Variants in RBM23 observed in about 807,000 individuals in gnomAD.
RBM23 encodes RNA binding motif protein 23.
RBM23 carries 53 observed loss-of-function variants against 56.2 expected under a neutral mutation model. That is an observed-to-expected ratio of 0.94 (90% confidence interval 0.76 to 1.19). The LOEUF (loss-of-function observed/expected upper bound fraction) is 1.19, where lower values mean the gene tolerates loss of function less well. RBM23 is among the 50% of genes most tolerant of loss of function. The pLI is 0.00. For missense variants in RBM23, 642 were observed against 590.3 expected (o/e 1.09, Z -0.91); for synonymous variants, 197 against 198.5 (o/e 0.99, Z 0.06).
At chr14:22,907,628 G>A (rs552469234) in intron 4 of RBM23, among the ~76,000 whole-genome samples, 37 of 152,210 alleles carry the variant, frequency 2.4e-4, no homozygotes, top group African/African-American at 6.5e-4. Flanking sequence ...TATACTTCAC[G>A]ATAAAAAGTA....
At chr14:22,914,339 A>AC (rs2043125476) in intron 1 of RBM23, among the ~76,000 whole-genome samples, 1 of 150,726 alleles carries the variant, frequency 6.6e-6, no homozygotes, top group African/African-American at 2.5e-5. Flanking sequence ...AAAAAAAAAA[A>AC]AAAATAGCCG....
Position 22,902,097 on chromosome 14 carries a change from C to A in RBM23, c.1129G>T (p.Ala377Ser). 7 of 1,607,682 alleles carry A rather than the reference C, an allele frequency of 4.4e-6. No individual in the cohort carries two copies. The highest frequency in any genetic ancestry group is 1.1e-5 in the South Asian group (1 of 90,416). ...GCAGTGCTTGGCAGTTGGATTCCAG[C>A]GCCTAAAAGGAAAAGAAAAGGTGGG... ...FQLMAKLAEG[A>S]GIQLPSTAAA... The change falls in exon 12 of 14, where the codon GCT (alanine) becomes TCT (serine). Residue 377 changes from alanine (A) to serine (S), a missense_variant and splice_region_variant. By Grantham distance (99) the Ala-to-Ser change is moderately conservative (BLOSUM62 1). Coordinates refer to ENST00000359890, the MANE Select transcript of RBM23 (RefSeq NM_001077351.2).
intron 10 of RBM23, chr14:22,903,544 A>G (rs1306504971): frequency 1.2e-5 from 12 of 986,396 alleles, no homozygotes; most frequent in African/African-American, 8.7e-5. Context: ...CCTTTACTGG[A>G]TATTTTTGAG....
intron 2 of RBM23, 74 bp downstream of exon 2, chr14:22,911,254 G>C (rs114890713): frequency 8.4e-7 from 1 of 1,190,754 alleles, no homozygotes; most frequent in African/African-American, 1.5e-5. Flanking sequence ...ATAAAATGTT[G>C]AAAGTTGAAA....
At position 22,905,370 on chromosome 14, in the gene RBM23, C is replaced by T. The variant is rs368778639; in HGVS notation, c.539G>A (p.Arg180Gln). 4.0e-5 allele frequency: 64 copies of T among 1,613,932 alleles called. No individual in the cohort carries two copies. The highest frequency in any genetic ancestry group is 3.0e-4 in the South Asian group (27 of 91,076). ...AGCAGAGAAAAAGTCCTCCAGATCT[C>T]GAGGCCGAATTCGGGCAGCTAACTG... ...CMQLAARIRP[R>Q]DLEDFFSAVG... Residue 180 changes from arginine (R) to glutamine (Q), a missense_variant, in exon 7 of 14, where the codon CGA becomes CAA. Transcript: ENST00000359890.
intron 1 of RBM23, among the ~76,000 whole-genome samples, chr14:22,913,386 C>T (rs1215993295): frequency 1.4e-5 from 2 of 147,486 alleles, no homozygotes; most frequent in Non-Finnish European, 1.5e-5. Context: ...TGCACTCCAA[C>T]CTGGGCGACA....
At chr14:22,902,130 C>T in intron 11 of RBM23, 31 bp from the exon 12 acceptor site, 2 of 1,605,082 alleles carry the variant, frequency 1.2e-6, no homozygotes, top group Non-Finnish European at 1.7e-6. Context: ...GGGATTAAGC[C>T]CCAACCCTTC....
At chr14:22,910,627 C>CT in intron 2 of RBM23, among the ~76,000 whole-genome samples, 1 of 152,154 alleles carries the variant, frequency 6.6e-6, no homozygotes, top group East Asian at 1.9e-4. Flanking sequence ...AATCCCAGCA[C>CT]TTTGGGAGGC....
At chr14:22,911,135 T>C (rs1483063936) in intron 2 of RBM23, among the ~76,000 whole-genome samples, 193 bp downstream of exon 2, 2 of 152,186 alleles carry the variant, frequency 1.3e-5, no homozygotes, top group Admixed American at 6.5e-5. Context: ...GTTTCTGAGG[T>C]TGTCTCTAAA....
At position 22,908,330 on chromosome 14, in the gene RBM23, G is replaced by A. The variant is rs2041910426; in HGVS notation, c.227+3C>T. 2 of 1,549,734 alleles carry A rather than the reference G, an allele frequency of 1.3e-6. No individual in the cohort carries two copies. The highest frequency in any genetic ancestry group is 1.7e-6 in the Non-Finnish European group (2 of 1,146,858). On this transcript the variant is annotated splice_donor_region_variant and intron_variant, in intron 4 of 13. Transcript: ENST00000359890. ...CCACTGTGCCTGGCCCAGAATTACT[G>A]ACCTGCGCTTTCTATCCCTGCTTTT...
At chr14:22,913,132 A>C (rs930807856) in intron 1 of RBM23, among the ~76,000 whole-genome samples, 5 of 151,366 alleles carry the variant, frequency 3.3e-5, no homozygotes, top group East Asian at 1.9e-4. Context: ...GGGCACAAGA[A>C]GGCCGGGCGC....
intron 1 of RBM23, chr14:22,917,612 G>C (rs1016384722): frequency 1.3e-5 from 2 of 150,610 alleles, no homozygotes; most frequent in African/African-American, 2.4e-5. Flanking sequence ...GGGTTTCGCC[G>C]TGTTAGCCAG....
At chr14:22,918,578 G>A (rs567405817) in intron 1 of RBM23, among the ~76,000 whole-genome samples, 30 of 152,236 alleles carry the variant, frequency 2.0e-4, no homozygotes, top group Non-Finnish European at 3.4e-4. Context: ...CGACAGACTA[G>A]AGATTGAGGA....
At chr14:22,916,536 A>G (rs2043537067) in intron 1 of RBM23, among the ~76,000 whole-genome samples, 1 of 151,236 alleles carries the variant, frequency 6.6e-6, no homozygotes, top group African/African-American at 2.4e-5. Context: ...TTAGCCTCCC[A>G]AAGTACTAGG....
At position 22,901,362 on chromosome 14, in the gene RBM23, G is replaced by A. The variant is rs2040464861; in HGVS notation, c.*368C>T. The A allele has an allele frequency of 1.1e-5, 3 of 265,866 alleles. No individual in the cohort carries two copies. The highest frequency in any genetic ancestry group is 2.0e-5 in the Non-Finnish European group (3 of 153,712). The allele number at this position is 265,866 out of a possible 1,614,324, so 16.5% of individuals were successfully genotyped here. A position where few individuals can be genotyped will look rare whatever the true frequency, so the allele number is the denominator to read the frequency against. On this transcript the variant is annotated 3_prime_UTR_variant, in exon 14 of 14. Transcript: ENST00000359890. ...CTAAAGGTTAAAGGTACAGGAAAAG[G>A]AGAGAGGTCAGTTCCTTCAGTATGC...
intron 10 of RBM23, chr14:22,903,940 A>G: frequency 1.6e-6 from 2 of 1,281,056 alleles, no homozygotes; most frequent in Non-Finnish European, 2.0e-6. Flanking sequence ...TTAAAAGCCC[A>G]TACCTAACCT....
intron 4 of RBM23, among the ~76,000 whole-genome samples, chr14:22,908,083 C>T (rs576704126): frequency 1.3e-5 from 2 of 152,298 alleles, no homozygotes; most frequent in South Asian, 4.1e-4. Context: ...TTTAGTGCTG[C>T]AATCTCGGCT....
At position 22,908,183 on chromosome 14, in the gene RBM23, G is replaced by T. The variant is rs1050875179; in HGVS notation, c.227+150C>A. On this transcript the variant is annotated intron_variant, in intron 4 of 13. Coordinates refer to ENST00000359890, the MANE Select transcript of RBM23 (RefSeq NM_001077351.2). Reference sequence around the variant, plus strand: ...GTACAAACATGTACTACTACACCTGGGTAATTTTTAAATTTTTTGTAGAGA... The same window carrying T: ...GTACAAACATGTACTACTACACCTGTGTAATTTTTAAATTTTTTGTAGAGA... 4 of 773,606 alleles carry T rather than the reference G, an allele frequency of 5.2e-6. No individual in the cohort carries two copies. In the African/African-American group the frequency reaches 5.3e-5, roughly 10 times the overall value. The allele number at this position is 773,606 out of a possible 1,614,324, so 47.9% of individuals were successfully genotyped here.
rs1375422069 is a variant in RBM23, at chr14:22,901,167, G to A, written c.*563C>T. On this transcript the variant is annotated 3_prime_UTR_variant, in exon 14 of 14. Coordinates refer to ENST00000359890, the MANE Select transcript of RBM23 (RefSeq NM_001077351.2). ...TCCATGCCTCCTAGCAAGATGCTGA[G>A]GCTACAGTAGGTCTGGCCTCAAGCT... is the stretch of plus-strand genomic sequence containing the variant. 6.3e-6 allele frequency: 1 copy of A among 158,862 alleles called. No individual in the cohort carries two copies. Among genetic ancestry groups the A allele is most frequent in the African/African-American group, 2.4e-5 (1 of 41,498 alleles). The allele number at this position is 158,862 out of a possible 1,614,324, so 9.8% of individuals were successfully genotyped here.
Sources: gnomAD v4.1 joint callset for allele counts (sites outside exome capture counted in the v4.1 genomes callset) on GRCh38, gnomAD v4.1.1 for gene constraint, MANE v1.5 for transcripts, NCBI Gene and HGNC (gene_info 2026-07-23, HGNC 2026-07-21) for gene names.